Variants in POLGARF observed in about 807,000 individuals in gnomAD.
POLGARF encodes POLG alternative reading frame.
the POLGARF span, chr15:89,332,992 G>A: frequency 3.2e-5 from 46 of 1,445,404 alleles, no homozygotes; most frequent in Admixed American, 1.7e-4. Context: ...CGCTCCCTAC[G>A]TGAGCACCCA....
the POLGARF span, among the ~76,000 whole-genome samples, chr15:89,330,789 G>A: frequency 1.3e-4 from 19 of 151,530 alleles, no homozygotes; most frequent in Admixed American, 2.6e-4. Flanking sequence ...ATCATCTCAC[G>A]GCTGAAAAGA....
chr15:89,332,113 T>G, the POLGARF span: 1 of 152,254 alleles, frequency 6.6e-6, no homozygotes, highest in African/African-American at 2.4e-5. Context: ...CCCCTTTACT[T>G]TGACCATCAA....
At chr15:89,333,701 C>T in the POLGARF span, 1 of 1,540,036 alleles carries the variant, frequency 6.5e-7, no homozygotes, top group South Asian at 1.2e-5. Flanking sequence ...GAGCTGGAAC[C>T]GGCCCTGGCC....
chr15:89,333,253 C>A, the POLGARF span: 1 of 1,569,988 alleles, frequency 6.4e-7, no homozygotes. Context: ...CAGGCCCAAG[C>A]CGGGGGCTTC....
chr15:89,333,511 C>A, the POLGARF span: 1 of 1,612,856 alleles, frequency 6.2e-7, no homozygotes, highest in Admixed American at 1.7e-5. Flanking sequence ...TCGTGCAGCC[C>A]TCTCGAGAGC....
chr15:89,333,342 T>G, the POLGARF span: 3 of 1,565,116 alleles, frequency 1.9e-6, no homozygotes, highest in South Asian at 3.5e-5. Context: ...GAGGCGGAAG[T>G]GCTGGTCCAG....
chr15:89,333,293 G>A, the POLGARF span: 1 of 1,555,026 alleles, frequency 6.4e-7, no homozygotes, highest in South Asian at 1.2e-5. Context: ...ACAGCAAGTT[G>A]GCCGCCTCCA....
At chr15:89,331,156 G>A in the POLGARF span, among the ~76,000 whole-genome samples, 2 of 151,990 alleles carry the variant, frequency 1.3e-5, no homozygotes, top group Non-Finnish European at 2.9e-5. Context: ...GAAAAAGGGA[G>A]TATCTGCCTC....
chr15:89,332,353 G>C, the POLGARF span: 2 of 152,094 alleles, frequency 1.3e-5, no homozygotes, highest in Non-Finnish European at 2.9e-5. Flanking sequence ...AAAGCATTAA[G>C]GTTGTAAATA....
At chr15:89,333,254 CG>C in the POLGARF span, 1 of 1,563,512 alleles carries the variant, frequency 6.4e-7, no homozygotes. Context: ...AGGCCCAAGC[CG>C]GGGGCTTCGG....
chr15:89,333,065 T>A, the POLGARF span: 57 of 1,503,924 alleles, frequency 3.8e-5, no homozygotes, highest in East Asian at 1.2e-3. Flanking sequence ...CCCCCATGCC[T>A]GCTTATGTCC....
the POLGARF span, chr15:89,332,971 C>G: frequency 3.1e-6 from 4 of 1,307,198 alleles, no homozygotes; most frequent in East Asian, 1.0e-4. Flanking sequence ...AGTCCTAATT[C>G]AACACATCAG....
the POLGARF span, chr15:89,333,555 C>T: frequency 1.2e-6 from 2 of 1,611,352 alleles, no homozygotes; most frequent in Non-Finnish European, 1.7e-6. Flanking sequence ...CCGCAGCTGC[C>T]CGCCCTCCGA....
chr15:89,333,381 A>C, the POLGARF span: 1 of 1,583,504 alleles, frequency 6.3e-7, no homozygotes, highest in African/African-American at 1.3e-5. Context: ...CGGCAGGCGC[A>C]GCTCCACGTC....
chr15:89,333,255 G>A, the POLGARF span: 2 of 1,563,292 alleles, frequency 1.3e-6, no homozygotes, highest in Non-Finnish European at 1.7e-6. Flanking sequence ...GGCCCAAGCC[G>A]GGGGCTTCGG....
the POLGARF span, chr15:89,333,781 G>T: frequency 6.5e-7 from 1 of 1,534,876 alleles, no homozygotes; most frequent in Non-Finnish European, 8.7e-7. Flanking sequence ...CCCACGCTGG[G>T]AGTCAGAACA....
At chr15:89,333,237 T>C in the POLGARF span, 3 of 1,578,806 alleles carry the variant, frequency 1.9e-6, no homozygotes. Context: ...GGTCCAGCCC[T>C]CCGCCCAGGC....
At chr15:89,333,249 C>T in the POLGARF span, 2 of 1,574,072 alleles carry the variant, frequency 1.3e-6, no homozygotes, top group Admixed American at 1.8e-5. Context: ...CGCCCAGGCC[C>T]AAGCCGGGGG....
chr15:89,331,153 G>C, the POLGARF span, among the ~76,000 whole-genome samples: 1 of 44,772 alleles, frequency 2.2e-5, no homozygotes, highest in Admixed American at 1.8e-4. Flanking sequence ...AGGGAAAAAG[G>C]GAGTATCTGC....
Sources: gnomAD v4.1 joint callset for allele counts (sites outside exome capture counted in the v4.1 genomes callset) on GRCh38, gnomAD v4.1.1 for gene constraint, MANE v1.5 for transcripts, NCBI Gene and HGNC (gene_info 2026-07-23, HGNC 2026-07-21) for gene names.